The following LNX1 variants were observed in gnomAD, a reference collection of about 807,000 sequenced individuals.
The protein encoded by LNX1 is ligand of numb-protein X 1.
In LNX1, 54 loss-of-function variants were observed where a neutral mutation model predicts 68.4. The ratio of observed to expected loss-of-function variants is 0.79; its 90% CI spans 0.63 to 0.99. The LOEUF (loss-of-function observed/expected upper bound fraction) is 0.99, where lower values mean the gene tolerates loss of function less well. Ranked by LOEUF, LNX1 falls within the 50% of genes least tolerant of loss-of-function variation. The probability of loss-of-function intolerance (pLI) is 0.00; values close to 1 mark genes in which losing one functional copy is unlikely to be tolerated. For missense variants in LNX1, 906 were observed against 926.4 expected, an observed-to-expected ratio of 0.98 and a Z score of 0.29; for synonymous variants, 336 against 350.0, an observed-to-expected ratio of 0.96 and a Z score of 0.45.
intron 2 of LNX1, among the ~76,000 whole-genome samples, chr4:53,517,779 G>A (rs1726893972): frequency 7.3e-6 from 1 of 137,454 alleles, no homozygotes; most frequent in East Asian, 2.4e-4. Context: ...AACTGCACAT[G>A]GAAAAAAGTT....
rs533119249 is a variant in LNX1 at position 53,484,742 on chromosome 4, T to C, written c.1351-2888A>G. 7.2e-5 allele frequency among the ~76,000 whole-genome samples: 11 copies of C among 152,290 alleles called. No homozygotes were observed. The South Asian group carries it at 2.3e-3, about 32-fold the overall frequency. On this transcript the variant is annotated intron_variant, in intron 6 of 10. Coordinates refer to ENST00000263925, the MANE Select transcript of LNX1 (RefSeq NM_001126328.3). ...GGTGGCTGTAAATTAAAGGAACTTT[T>C]AGAGACAACTGCTAGCGTACAGTAA... is the stretch of plus-strand genomic sequence containing the variant.
At chr4:53,474,802 T>G (rs1160263481) in intron 9 of LNX1, among the ~76,000 whole-genome samples, 1 of 151,854 alleles carries the variant, frequency 6.6e-6, no homozygotes, top group Admixed American at 6.5e-5. Context: ...AGTCTCTCTC[T>G]GTCACCCAGG....
intron 1 of LNX1, among the ~76,000 whole-genome samples, chr4:53,622,859 T>C (rs1335494718): frequency 1.3e-5 from 2 of 152,220 alleles, no homozygotes; most frequent in Non-Finnish European, 2.9e-5. Flanking sequence ...ATCTGACCTA[T>C]GTAACTGGAA....
chr4:53,544,632 C>T (rs957653530), intron 2 of LNX1, among the ~76,000 whole-genome samples: 2 of 152,244 alleles, frequency 1.3e-5, no homozygotes, highest in African/African-American at 4.8e-5. Context: ...ACCAGCACTG[C>T]TGCCCAGTAC....
At chr4:53,467,573 AAAG>A (rs1377415121) in intron 9 of LNX1, among the ~76,000 whole-genome samples, 1 of 152,112 alleles carries the variant, frequency 6.6e-6, no homozygotes, top group Non-Finnish European at 1.5e-5. Context: ...AACCAATGGC[AAAG>A]AAGTTAAAAA....
chr4:53,560,994 C>T (rs1416685518), intron 2 of LNX1, among the ~76,000 whole-genome samples: 1 of 152,174 alleles, frequency 6.6e-6, no homozygotes, highest in Non-Finnish European at 1.5e-5. Context: ...CCTGGCTGTC[C>T]TGTTTATCCT....
At chr4:53,514,613 A>G (rs758285138) in intron 2 of LNX1, among the ~76,000 whole-genome samples, 6 of 151,934 alleles carry the variant, frequency 3.9e-5, no homozygotes, top group Admixed American at 6.6e-5. Context: ...CCCTCCCACA[A>G]CATGTGGGAA....
rs146399102 is a variant in LNX1, at chr4:53,508,101, G to A, written c.507C>T (p.Thr169=). The A allele has an allele frequency of 1.2e-6, 2 of 1,614,020 alleles. No individual in the cohort carries two copies. The highest frequency in any genetic ancestry group is 2.7e-5 in the African/African-American group (2 of 74,904). ...CAGGCTCGTCTGTCATTAAGGAGAT[G>A]GTGGCAGCTGCAGAAACCTCTGGGG... ...APSPEVSAAA[T]ISLMTDEPGL... The change falls in exon 3 of 11, where the codon ACC becomes ACT. Residue 169 remains threonine (T), a synonymous_variant. Transcript: ENST00000263925.
intron 2 of LNX1, among the ~76,000 whole-genome samples, chr4:53,544,746 A>G (rs1201243269): frequency 6.6e-6 from 1 of 152,248 alleles, no homozygotes; most frequent in Non-Finnish European, 1.5e-5. Flanking sequence ...ACACTGATCA[A>G]TAATGCCCAT....
chr4:53,496,347 A>T lies in LNX1; in HGVS notation c.1026T>A (p.Arg342=). Residue 342 remains arginine (R), a synonymous_variant, in exon 6 of 11, where the codon CGT becomes CGA. Transcript: ENST00000263925. Reference sequence around the variant, plus strand: ...GCACCTGGCAGGGCTGCCGCAGGAGACGCACAGCGTAGTTGTGAGGGACAT... The same window carrying T: ...GCACCTGGCAGGGCTGCCGCAGGAGTCGCACAGCGTAGTTGTGAGGGACAT... ...ISNVPHNYAV[R]LLRQPCQVLW... 3 of 1,614,010 alleles carry T rather than the reference A, an allele frequency of 1.9e-6. No homozygotes were observed. Among genetic ancestry groups the T allele is most frequent in the Middle Eastern group, 3.3e-4 (2 of 6,062 alleles).
intron 1 of LNX1, among the ~76,000 whole-genome samples, chr4:53,636,897 G>T (rs1402429022): frequency 2.0e-5 from 3 of 151,580 alleles, no homozygotes; most frequent in African/African-American, 7.3e-5. Flanking sequence ...CATCTGTTTG[G>T]AGTGAAGGTG....
In LNX1 at chr4:53,604,399, G is replaced by C. The variant is rs192233709; in HGVS notation, c.-215+12118C>G. Among the ~76,000 whole-genome samples, 282 of 152,328 alleles carry C rather than the reference G, an allele frequency of 1.9e-3. 2 individuals carry two copies. The highest frequency in any genetic ancestry group is 6.4e-3 in the South Asian group (31 of 4,820). On this transcript the variant is annotated intron_variant, in intron 2 of 3. Transcript: ENST00000504299. ...GCTTGGGGCAAAGGGAATGTTTGGAGAAAAGTGATGAATTCTCTAGACTTA... is the reference window on the plus strand; with the variant it reads ...GCTTGGGGCAAAGGGAATGTTTGGACAAAAGTGATGAATTCTCTAGACTTA...
At chr4:53,610,500 G>A (rs1052856137) in intron 2 of LNX1, among the ~76,000 whole-genome samples, 2 of 152,022 alleles carry the variant, frequency 1.3e-5, no homozygotes, top group African/African-American at 4.8e-5. Context: ...GAGGTCAGGA[G>A]ATCGAGACCA....
intron 9 of LNX1, among the ~76,000 whole-genome samples, chr4:53,464,139 A>G (rs1386500181): frequency 1.3e-5 from 2 of 152,184 alleles, no homozygotes; most frequent in Non-Finnish European, 2.9e-5. Flanking sequence ...TTGAATCTAT[A>G]GAAAACCGTC....
chr4:53,567,293 A>T (rs1444749698), intron 2 of LNX1, among the ~76,000 whole-genome samples: 3 of 146,754 alleles, frequency 2.0e-5, no homozygotes, highest in Middle Eastern at 3.2e-3. Context: ...ATAACAAACT[A>T]TCTCTCAGAC....
intron 2 of LNX1, among the ~76,000 whole-genome samples, chr4:53,571,315 C>T (rs1185418905): frequency 7.3e-5 from 11 of 150,830 alleles, no homozygotes; most frequent in South Asian, 4.2e-4. Context: ...CTCCATGCCC[C>T]GCGTAAATTA....
At chr4:53,580,297 C>G (rs1237067821) in intron 1 of LNX1, among the ~76,000 whole-genome samples, 1 of 152,152 alleles carries the variant, frequency 6.6e-6, no homozygotes, top group African/African-American at 2.4e-5. Flanking sequence ...AAGACAGATC[C>G]CATGTTCTCC....
intron 2 of LNX1, among the ~76,000 whole-genome samples, chr4:53,606,207 G>A (rs1443544516): frequency 8.7e-6 from 1 of 115,190 alleles, no homozygotes; most frequent in Admixed American, 8.1e-5. Flanking sequence ...AAGAAAAAAA[G>A]GGAGAAGTTC....
chr4:53,468,055 T>G (rs1722836808), intron 9 of LNX1, among the ~76,000 whole-genome samples: 1 of 152,138 alleles, frequency 6.6e-6, no homozygotes, highest in Non-Finnish European at 1.5e-5. Context: ...TCACCAAAGT[T>G]GAAATGAAGG....
Sources: allele counts gnomAD v4.1 joint callset (sites outside exome capture counted in the v4.1 genomes callset), GRCh38; gene constraint gnomAD v4.1.1; transcripts MANE v1.5; gene names NCBI Gene and HGNC (gene_info 2026-07-23, HGNC 2026-07-21).